The following CKLF variants were observed in gnomAD, a reference collection of about 807,000 sequenced individuals.
CKLF encodes chemokine-like factor.
Under a neutral mutation model 12.9 loss-of-function variants are expected in CKLF, and 16 were observed. The observed-to-expected ratio is 1.24, with a 90% confidence interval of 0.84 to 1.88. The LOEUF (loss-of-function observed/expected upper bound fraction) is 1.88, where lower values mean the gene tolerates loss of function less well. Among genes scored for constraint, CKLF ranks in the 40% most tolerant of loss-of-function variants. The pLI, the probability that CKLF is intolerant of heterozygous loss-of-function variation, is 0.00. For synonymous variants in CKLF, 61 were observed against 69.0 expected (o/e 0.88, Z 0.57); for missense variants, 172 against 188.5 (o/e 0.91, Z 0.51).
intron 3 of CKLF, 59 bp downstream of exon 3, chr16:66,563,276 G>A: frequency 6.3e-7 from 1 of 1,584,756 alleles, no homozygotes; most frequent in Non-Finnish European, 8.6e-7. Flanking sequence ...AAATTTACTT[G>A]GAAAACAGAT....
intron 3 of CKLF, among the ~76,000 whole-genome samples, chr16:66,565,035 A>G (rs2012109849): frequency 6.6e-6 from 1 of 152,132 alleles, no homozygotes; most frequent in Admixed American, 6.5e-5. Flanking sequence ...AGGAAAAAAA[A>G]TGGAAAAGGT....
chr16:66,560,307 G>T (rs1285163542), intron 2 of CKLF, among the ~76,000 whole-genome samples: 2 of 152,110 alleles, frequency 1.3e-5, no homozygotes, highest in East Asian at 3.9e-4. Flanking sequence ...ACAGGGTCAG[G>T]GCATACAAGG....
At chr16:66,560,798 T>TACAC (rs58084691) in intron 2 of CKLF, among the ~76,000 whole-genome samples, 4,496 of 143,694 alleles carry the variant, frequency 0.031, 93 homozygotes, top group East Asian at 0.07. Flanking sequence ...AAGATAAGTA[T>TACAC]ACACACACAC....
intron 2 of CKLF, among the ~76,000 whole-genome samples, chr16:66,560,495 A>C (rs1217405593): frequency 1.3e-5 from 2 of 152,172 alleles, no homozygotes; most frequent in African/African-American, 4.8e-5. Flanking sequence ...CTTGATAAAT[A>C]CTAGATTTTA....
Position 66,563,128 on chromosome 16 carries a change from A to C in CKLF, c.244A>C (p.Ile82Leu). ...KWLFWPLLDIINSLVTTVFML... is the reference protein window; with the variant it reads ...KWLFWPLLDILNSLVTTVFML... ...CTTTATTGTGTGTTTTTAGGATATT[A>C]TCAACTCACTGGTAACAACAGTATT... The change falls in exon 3 of 4, where the codon ATC becomes CTC. Residue 82 changes from isoleucine (I) to leucine (L), a missense_variant. Physicochemically the swap from Ile to Leu is conservative, Grantham distance 5. Transcript: ENST00000264001. The C allele has an allele frequency of 6.2e-7, 1 of 1,614,022 alleles. No individual in the cohort carries two copies. The highest frequency in any genetic ancestry group is 8.5e-7 in the Non-Finnish European group (1 of 1,180,022).
intron 2 of CKLF, among the ~76,000 whole-genome samples, chr16:66,560,451 A>C (rs1008598706): frequency 6.6e-6 from 1 of 152,136 alleles, no homozygotes; most frequent in Non-Finnish European, 1.5e-5. Flanking sequence ...ATGTTTAAGG[A>C]AGGGTGCAGG....
downstream of CKLF, chr16:66,566,272 C>T (rs969616734): frequency 1.8e-5 from 26 of 1,449,636 alleles, no homozygotes; most frequent in Admixed American, 2.8e-5. This position sits in a 1 kb window ranked among gnomAD's most constrained non-coding sequence, Gnocchi z 4.9. Context: ...TACTGCCTGG[C>T]TGGCCGGCAG....
At chr16:66,556,029 A>C (rs1190264538) in intron 1 of CKLF, among the ~76,000 whole-genome samples, 1 of 152,172 alleles carries the variant, frequency 6.6e-6, no homozygotes, top group African/African-American at 2.4e-5. Context: ...GGTTATCCAG[A>C]TAGGGATTCT....
At chr16:66,556,708 G>T (rs776776311) in intron 1 of CKLF, among the ~76,000 whole-genome samples, 1 of 152,168 alleles carries the variant, frequency 6.6e-6, no homozygotes, top group Non-Finnish European at 1.5e-5. Flanking sequence ...TATAAAGAAT[G>T]AAGTTACTTA....
At chr16:66,558,493 C>A in intron 2 of CKLF, 145 bp downstream of exon 2, 1 of 1,156,612 alleles carries the variant, frequency 8.6e-7, no homozygotes, top group Non-Finnish European at 1.2e-6. Flanking sequence ...TGCTAATGTG[C>A]CCTGTATTGC....
intron 1 of CKLF, chr16:66,553,356 G>T (rs1316695285): frequency 6.6e-6 from 1 of 152,052 alleles, no homozygotes; most frequent in African/African-American, 2.4e-5. Context: ...GTGGACTTCC[G>T]TGAGACAGAC....
intron 2 of CKLF, among the ~76,000 whole-genome samples, chr16:66,559,874 ATTAT>A (rs2011602608): frequency 6.6e-6 from 1 of 152,212 alleles, no homozygotes; most frequent in African/African-American, 2.4e-5. Context: ...ATCTAATGAA[ATTAT>A]TTATTCAGCA....
At chr16:66,563,244 T>G (rs370076524) in intron 3 of CKLF, 27 bp downstream of exon 3, 41 of 1,610,418 alleles carry the variant, frequency 2.5e-5, no homozygotes, top group East Asian at 1.6e-4. Context: ...CTGCTTGCTT[T>G]CTTCAGGTTT....
chr16:66,565,173 C>G (rs2012130804), intron 3 of CKLF, among the ~76,000 whole-genome samples: 2 of 152,096 alleles, frequency 1.3e-5, no homozygotes, highest in Non-Finnish European at 2.9e-5. Flanking sequence ...CTGTGAGAGC[C>G]ATGTCTGGAG....
Position 66,565,980 on chromosome 16 carries a change from A to G in CKLF, c.428A>G (p.Lys143Arg), listed in dbSNP as rs1429217141. ...LFNPSGPYQK[K>R]PVHEKKEVL ...AATCCCAGCGGTCCTTACCAGAAAAAGCCTGTGCATGAAAAAAAAGAAGTT... is the reference window on the plus strand; with the variant it reads ...AATCCCAGCGGTCCTTACCAGAAAAGGCCTGTGCATGAAAAAAAAGAAGTT... The change falls in exon 4 of 4, where the codon AAG becomes AGG. Residue 143 changes from lysine to arginine, a missense_variant. By Grantham distance (26) the Lys-to-Arg change is conservative. Transcript: ENST00000264001. 1 of 1,612,926 alleles carries G rather than the reference A, an allele frequency of 6.2e-7. No homozygotes were observed. The highest frequency in any genetic ancestry group is 1.3e-5 in the African/African-American group (1 of 74,980).
intron 1 of CKLF, 27 bp downstream of exon 1, chr16:66,552,820 G>C (rs779827916): frequency 6.2e-7 from 1 of 1,613,852 alleles, no homozygotes; most frequent in Non-Finnish European, 8.5e-7. Flanking sequence ...GAGGGCGGGA[G>C]GCTGATGAAG....
chr16:66,552,801 C>A lies in CKLF; in HGVS notation c.78+8C>A. The A allele has an allele frequency of 6.2e-7, 1 of 1,613,822 alleles. No homozygotes were observed. Reference sequence around the variant, plus strand: ...GTGAAGATGCTGCGGCTGGTGAGGCCGGGCCGCGGAGGGCGGGAGGCTGAT... The same window carrying A: ...GTGAAGATGCTGCGGCTGGTGAGGCAGGGCCGCGGAGGGCGGGAGGCTGAT... On this transcript the variant is annotated splice_region_variant and intron_variant, in intron 1 of 3. Transcript: ENST00000264001.
chr16:66,558,092 C>A (rs2011518110), intron 1 of CKLF, 98 bp from the exon 2 acceptor site: 1 of 1,539,416 alleles, frequency 6.5e-7, no homozygotes, highest in Admixed American at 2.1e-5. Context: ...ATAGGCATGA[C>A]CCACTGTGCC....
chr16:66,565,872 G>GTCTT lies in CKLF; in HGVS notation c.334-7_334-4dup. On this transcript the variant is annotated splice_polypyrimidine_tract_variant and intron_variant, in intron 3 of 3. Transcript: ENST00000264001. The stretch of plus-strand genomic sequence containing the variant: ...GACCATGGTTAGGGCAGTGACACTT[G>GTCTT]TCTTTCTTTCCAGGTGTTTGCACTT... 6.2e-7 allele frequency: 1 copy of GTCTT among 1,613,484 alleles called. No individual in the cohort carries two copies. The highest frequency in any genetic ancestry group is 8.5e-7 in the Non-Finnish European group (1 of 1,179,762).
Sources: gnomAD v4.1 joint callset for allele counts (sites outside exome capture counted in the v4.1 genomes callset) on GRCh38, gnomAD v4.1.1 for gene constraint, Gnocchi (gnomAD v3.1) non-coding constraint, MANE v1.5 for transcripts, NCBI Gene and HGNC (gene_info 2026-07-23, HGNC 2026-07-21) for gene names.